Variants in TAFA5 observed in about 807,000 individuals in gnomAD.
TAFA5 encodes the protein chemokine-like protein TAFA-5.
A neutral mutation model predicts 15.3 loss-of-function variants in TAFA5; 6 were observed. The observed-to-expected ratio is 0.39, with a 90% CI of 0.21 to 0.77. The LOEUF is 0.77. Among genes scored for constraint, TAFA5 ranks in the 30% least tolerant of loss-of-function variants. TAFA5 has a pLI of 0.41. For missense variants in TAFA5, 161 were observed against 193.1 expected (o/e 0.83, Z 0.98); for synonymous variants, 103 against 80.7 (o/e 1.28, Z -1.48).
At chr22:48,688,081 TG>T (rs535550636) in intron 2 of TAFA5, among the ~76,000 whole-genome samples, 82 of 139,534 alleles carry the variant, frequency 5.9e-4, no homozygotes, top group East Asian at 3.1e-3. Context: ...GGTTTTTTAT[TG>T]TTTTTTTGTG....
At chr22:48,646,883 G>A in intron 2 of TAFA5, 137 bp downstream of exon 2, 1 of 1,128,372 alleles carries the variant, frequency 8.9e-7, no homozygotes, top group Non-Finnish European at 1.2e-6. Flanking sequence ...CTGGCTGTTG[G>A]CACAGCTGTT....
intron 2 of TAFA5, among the ~76,000 whole-genome samples, chr22:48,702,185 T>G (rs1928931165): frequency 6.6e-6 from 1 of 152,088 alleles, no homozygotes; most frequent in Non-Finnish European, 1.5e-5. Flanking sequence ...GTGTGGTATG[T>G]ATGTGTGTGC....
At chr22:48,611,157 A>T (rs1000608094) in intron 1 of TAFA5, among the ~76,000 whole-genome samples, 10 of 151,916 alleles carry the variant, frequency 6.6e-5, no homozygotes, top group African/African-American at 2.4e-4. Context: ...CTGGTCTTGC[A>T]CTCCTGACCT....
chr22:48,605,418 GGATGGTGGTGGT>G (rs1357682218), intron 1 of TAFA5, among the ~76,000 whole-genome samples: 1 of 37,954 alleles, frequency 2.6e-5, no homozygotes, highest in African/African-American at 8.3e-5. Context: ...GTGATGGTGA[GGATGGTGGTGGT>G]GGTGGTGGTG....
At chr22:48,596,096 A>C (rs1924755321) in intron 1 of TAFA5, among the ~76,000 whole-genome samples, 1 of 152,282 alleles carries the variant, frequency 6.6e-6, no homozygotes, top group Admixed American at 6.5e-5. Flanking sequence ...CAAGGAGCGT[A>C]GGAATTTCAA....
At chr22:48,584,017 C>T (rs1924219356) in intron 1 of TAFA5, among the ~76,000 whole-genome samples, 1 of 140,522 alleles carries the variant, frequency 7.1e-6, no homozygotes, top group Admixed American at 7.2e-5. Context: ...ACACCACACA[C>T]CACACGCCAC....
At chr22:48,595,134 G>A (rs898732591) in intron 1 of TAFA5, among the ~76,000 whole-genome samples, 3 of 152,154 alleles carry the variant, frequency 2.0e-5, no homozygotes, top group African/African-American at 7.2e-5. Context: ...GCCCTGCTGT[G>A]CTCGTACCCC....
rs555041156 is a variant in TAFA5, at chr22:48,552,157, C to T, written c.112+62453C>T. 6.6e-6 allele frequency among the ~76,000 whole-genome samples: 1 copy of T among 152,314 alleles called. No homozygotes were observed. Among genetic ancestry groups the T allele is most frequent in the East Asian group, 1.9e-4 (1 of 5,180 alleles). ...TGGGCTCCCGGGGACCACCAGAGAG[C>T]CCCTCCCAAGGAGTCACCAGTCACA... On this transcript the variant is annotated intron_variant, in intron 1 of 3. Coordinates refer to ENST00000402357, the MANE Select transcript of TAFA5 (RefSeq NM_001082967.3). The surrounding 1 kb of genome is among the most constrained non-coding windows in gnomAD (Gnocchi z 4.1).
intron 1 of TAFA5, among the ~76,000 whole-genome samples, chr22:48,493,542 G>C (rs1267302015): frequency 6.6e-6 from 1 of 152,210 alleles, no homozygotes; most frequent in Non-Finnish European, 1.5e-5. Flanking sequence ...TCTCGAAGAG[G>C]TAAAATGGAA....
At chr22:48,539,873 G>A (rs1232443614) in intron 1 of TAFA5, among the ~76,000 whole-genome samples, 4 of 152,110 alleles carry the variant, frequency 2.6e-5, no homozygotes, top group African/African-American at 4.8e-5. Flanking sequence ...AGAACCTGCC[G>A]CCACCAGTGC....
chr22:48,586,345 C>T (rs1468784424), intron 1 of TAFA5, among the ~76,000 whole-genome samples: 3 of 152,258 alleles, frequency 2.0e-5, no homozygotes, highest in African/African-American at 7.2e-5. Flanking sequence ...TCCCAAGGGT[C>T]ACACCCACCT....
Position 48,726,938 on chromosome 22 carries a change from G to T in TAFA5, c.390+19094G>T, listed in dbSNP as rs533291819. 3.3e-5 allele frequency among the ~76,000 whole-genome samples: 5 copies of T among 152,240 alleles called. No homozygotes were observed. In the South Asian group the frequency reaches 1.0e-3, roughly 32 times the overall value. On this transcript the variant is annotated intron_variant, in intron 3 of 3. Coordinates refer to ENST00000402357, the MANE Select transcript of TAFA5 (RefSeq NM_001082967.3). Reference sequence around the variant, plus strand: ...AGACAAGGAGTGTATCTCCAGGTTGGCCACTCCTGGATTCCCTAGCTCAGA... The same window carrying T: ...AGACAAGGAGTGTATCTCCAGGTTGTCCACTCCTGGATTCCCTAGCTCAGA...
chr22:48,663,193 G>C (rs73889504), intron 2 of TAFA5, among the ~76,000 whole-genome samples: 3 of 152,218 alleles, frequency 2.0e-5, no homozygotes, highest in East Asian at 3.8e-4. Context: ...CTTAACAAAG[G>C]TTTCATTTAC....
intron 1 of TAFA5, among the ~76,000 whole-genome samples, chr22:48,642,592 C>T (rs1204484602): frequency 6.6e-6 from 1 of 152,172 alleles, no homozygotes; most frequent in Non-Finnish European, 1.5e-5. Context: ...TGGACCCCTC[C>T]CCAAAGGCCT....
At chr22:48,639,954 C>T (rs73429964) in intron 1 of TAFA5, among the ~76,000 whole-genome samples, 8,546 of 152,250 alleles carry the variant, frequency 0.056, 497 homozygotes, top group African/African-American at 0.14. Context: ...CCAACCCCGC[C>T]GCCCAAGGCC....
chr22:48,588,746 A>G (rs1924451532), intron 1 of TAFA5, among the ~76,000 whole-genome samples: 1 of 152,152 alleles, frequency 6.6e-6, no homozygotes, highest in South Asian at 2.1e-4. Flanking sequence ...CCCTTGGTTC[A>G]GGTGAGCACA....
At chr22:48,610,986 C>T (rs975433371) in intron 1 of TAFA5, among the ~76,000 whole-genome samples, 2 of 151,222 alleles carry the variant, frequency 1.3e-5, no homozygotes, top group African/African-American at 4.9e-5. Flanking sequence ...CCAGCTGGAG[C>T]ACAGTGGTGC....
At chr22:48,523,124 C>T (rs766220694) in intron 1 of TAFA5, among the ~76,000 whole-genome samples, 33 of 152,220 alleles carry the variant, frequency 2.2e-4, no homozygotes, top group Non-Finnish European at 4.0e-4. Context: ...AGGCTTCCAG[C>T]TCACGGGCCT....
intron 2 of TAFA5, among the ~76,000 whole-genome samples, chr22:48,687,997 A>G (rs1928416634): frequency 8.1e-6 from 1 of 123,124 alleles, no homozygotes; most frequent in African/African-American, 3.0e-5. Flanking sequence ...GAGGAACATG[A>G]TTAGAGGGTT....
Sources: allele counts gnomAD v4.1 joint callset (sites outside exome capture counted in the v4.1 genomes callset), GRCh38; gene constraint gnomAD v4.1.1; non-coding constraint Gnocchi (gnomAD v3.1); transcripts MANE v1.5; gene names NCBI Gene and HGNC (gene_info 2026-07-23, HGNC 2026-07-21).